NDNF: variants seen among roughly 807,000 people sequenced by gnomAD.
The protein encoded by NDNF is neuron derived neurotrophic factor, also known as protein NDNF.
NDNF carries 16 observed loss-of-function variants against 42.0 expected under a neutral mutation model. The observed-to-expected ratio is 0.38, with a 90% CI of 0.26 to 0.58. The LOEUF is 0.58. NDNF is among the 20% of genes least tolerant of loss of function. The pLI, the probability that NDNF is intolerant of heterozygous loss-of-function variation, is 0.67. For synonymous variants in NDNF, 248 were observed against 251.7 expected, an observed-to-expected ratio of 0.99 and a Z score of 0.14; for missense variants, 616 against 666.2, an observed-to-expected ratio of 0.92 and a Z score of 0.83.
intron 1 of NDNF, among the ~76,000 whole-genome samples, chr4:121,070,434 G>A (rs1349700150): frequency 1.3e-5 from 2 of 152,120 alleles, no homozygotes; most frequent in African/African-American, 4.8e-5. Flanking sequence ...AGAATGGAGC[G>A]GAGTCCTATT....
chr4:121,045,707 G>A lies in NDNF; in HGVS notation c.131C>T (p.Ser44Leu). Reference sequence around the variant, plus strand: ...AATTTCAGCTCCATCTGGAATTACTGACGAATCATGAAAAAATGCCTTGTC... The same window carrying A: ...AATTTCAGCTCCATCTGGAATTACTAACGAATCATGAAAAAATGCCTTGTC... ...IRDKAFFHDS[S>L]VIPDGAEISS... The change falls in exon 2 of 4, where the codon TCA (serine) becomes TTA (leucine). Residue 44 changes from serine to leucine, a missense_variant. Physicochemically the swap from Ser to Leu is moderately radical, Grantham distance 145. Transcript: ENST00000379692. 1.9e-6 allele frequency: 3 copies of A among 1,614,174 alleles called. No individual in the cohort carries two copies. Among genetic ancestry groups the A allele is most frequent in the Admixed American group, 1.7e-5 (1 of 60,016 alleles).
At chr4:121,055,808 T>TACAC (rs370515779) in intron 1 of NDNF, among the ~76,000 whole-genome samples, 3 of 150,798 alleles carry the variant, frequency 2.0e-5, no homozygotes, top group South Asian at 2.1e-4. Flanking sequence ...CATACACACA[T>TACAC]ACACACACAC....
At chr4:121,051,563 C>A (rs761469815) in intron 1 of NDNF, among the ~76,000 whole-genome samples, 4 of 152,132 alleles carry the variant, frequency 2.6e-5, no homozygotes, top group Non-Finnish European at 5.9e-5. Flanking sequence ...TTACCTCTAT[C>A]ATCACAAAAA....
At chr4:121,045,980 C>A in intron 1 of NDNF, 142 bp from the exon 2 acceptor site, 1 of 562,138 alleles carries the variant, frequency 1.8e-6, no homozygotes, top group Non-Finnish European at 2.9e-6. Context: ...TACACATGAT[C>A]TTCAAGGCAA....
intron 1 of NDNF, among the ~76,000 whole-genome samples, chr4:121,068,172 A>G (rs1429151484): frequency 1.3e-5 from 2 of 152,224 alleles, no homozygotes; most frequent in Admixed American, 6.5e-5. Context: ...AACAGCAGCA[A>G]AGTATTTACT....
chr4:121,055,123 A>C (rs1579317378), intron 1 of NDNF, among the ~76,000 whole-genome samples: 1 of 152,110 alleles, frequency 6.6e-6, no homozygotes, highest in African/African-American at 2.4e-5. Flanking sequence ...CATGAGTGGA[A>C]AGCTCTTTAA....
At chr4:121,050,680 T>C (rs1225176184) in intron 1 of NDNF, among the ~76,000 whole-genome samples, 3 of 152,192 alleles carry the variant, frequency 2.0e-5, no homozygotes, top group African/African-American at 7.2e-5. Flanking sequence ...TTTGTTTCAA[T>C]TGAAAAGTTC....
At chr4:121,059,150 T>A (rs777481328) in intron 1 of NDNF, among the ~76,000 whole-genome samples, 136 of 152,364 alleles carry the variant, frequency 8.9e-4, no homozygotes, top group Non-Finnish European at 1.8e-3. Context: ...CACTTTTTTA[T>A]GCTCATATTT....
intron 1 of NDNF, among the ~76,000 whole-genome samples, chr4:121,048,009 T>G (rs1312106089): frequency 6.6e-6 from 1 of 152,228 alleles, no homozygotes; most frequent in African/African-American, 2.4e-5. Context: ...CTGACCTGAA[T>G]GGGACCTCCC....
At chr4:121,037,929 G>A (rs1726907392) in intron 3 of NDNF, 1 of 337,270 alleles carries the variant, frequency 3.0e-6, no homozygotes, top group African/African-American at 2.1e-5. Flanking sequence ...AAACTTTTGA[G>A]ACATTATTAA....
intron 1 of NDNF, among the ~76,000 whole-genome samples, chr4:121,066,960 T>C (rs910361591): frequency 6.6e-6 from 1 of 152,230 alleles, no homozygotes; most frequent in Non-Finnish European, 1.5e-5. Context: ...CTCCATTTAC[T>C]TCAGCTGGTC....
At chr4:121,050,761 T>C (rs1727179915) in intron 1 of NDNF, among the ~76,000 whole-genome samples, 1 of 152,134 alleles carries the variant, frequency 6.6e-6, no homozygotes, top group Non-Finnish European at 1.5e-5. Context: ...TTCTTCACAT[T>C]TGGCACAAGT....
chr4:121,069,228 T>A (rs1727549402), intron 1 of NDNF, among the ~76,000 whole-genome samples: 1 of 152,226 alleles, frequency 6.6e-6, no homozygotes, highest in African/African-American at 2.4e-5. Context: ...TAGCATTCCA[T>A]CGACCTGGTA....
Position 121,039,204 on chromosome 4 carries a change from A to ATGTATGTG in NDNF, c.313+725_313+726insCACATACA, listed in dbSNP as rs1560603279. Among the ~76,000 whole-genome samples the ATGTATGTG allele has an allele frequency of 2.5e-3, 77 of 31,240 alleles. 8 individuals are homozygous for ATGTATGTG. The highest frequency in any genetic ancestry group is 0.011 in the Middle Eastern group (1 of 90). 20.5% of individuals were successfully genotyped at this position (31,240 alleles called of 152,430 possible). On this transcript the variant is annotated intron_variant, in intron 3 of 3. Transcript: ENST00000379692. Reference sequence around the variant, plus strand: ...TGTGTGTGTGTGTGTATATATATATATATATATATATATATATATATATAT... The same window carrying ATGTATGTG: ...TGTGTGTGTGTGTGTATATATATATATGTATGTGTATATATATATATATATATATATAT...
intron 2 of NDNF, among the ~76,000 whole-genome samples, chr4:121,043,117 G>T (rs768064458): frequency 6.6e-6 from 1 of 152,100 alleles, no homozygotes. Context: ...CAGAGATGAC[G>T]GGACATAATC....
At chr4:121,041,669 T>A (rs1726999694) in intron 2 of NDNF, among the ~76,000 whole-genome samples, 1 of 152,194 alleles carries the variant, frequency 6.6e-6, no homozygotes, top group Non-Finnish European at 1.5e-5. Flanking sequence ...TAAGGAATGA[T>A]TCGGAGGTGG....
At chr4:121,053,054 A>T (rs957035684) in intron 1 of NDNF, among the ~76,000 whole-genome samples, 1 of 152,212 alleles carries the variant, frequency 6.6e-6, no homozygotes, top group Non-Finnish European at 1.5e-5. Context: ...CATTATGTAC[A>T]GAACTCGTGC....
intron 2 of NDNF, 59 bp downstream of exon 2, chr4:121,045,591 C>T: frequency 6.9e-7 from 1 of 1,452,400 alleles, no homozygotes; most frequent in Non-Finnish European, 9.6e-7. Context: ...AGGTTACTCT[C>T]TTTTTTGGAG....
At chr4:121,045,861 T>G (rs764891905) in intron 1 of NDNF, 23 bp from the exon 2 acceptor site, 1 of 1,605,138 alleles carries the variant, frequency 6.2e-7, no homozygotes, top group Non-Finnish European at 8.5e-7. Flanking sequence ...AAATGACTAC[T>G]TTATTAGTTC....
Sources: gnomAD v4.1 joint callset for allele counts (sites outside exome capture counted in the v4.1 genomes callset) on GRCh38, gnomAD v4.1.1 for gene constraint, MANE v1.5 for transcripts, NCBI Gene and HGNC (gene_info 2026-07-23, HGNC 2026-07-21) for gene names.